SDK1: variants seen among roughly 807,000 people sequenced by gnomAD.
SDK1 encodes the protein sidekick cell adhesion molecule 1.
A neutral mutation model predicts 245.5 loss-of-function variants in SDK1; 157 were observed. The observed-to-expected ratio is 0.64, with a 90% CI of 0.56 to 0.73. SDK1 has a LOEUF of 0.73. Ranked by LOEUF, SDK1 falls within the 30% of genes least tolerant of loss-of-function variation. The pLI is 0.00. For missense variants in SDK1, 3,583 were observed against 3,002.3 expected (o/e 1.19, Z -4.52); for synonymous variants, 1,647 against 1,278.5 (o/e 1.29, Z -6.15).
intron 1 of SDK1, among the ~76,000 whole-genome samples, chr7:3,574,958 G>A (rs1312131031): frequency 1.3e-5 from 2 of 152,000 alleles, no homozygotes; most frequent in Non-Finnish European, 2.9e-5. Context: ...TGTGAAGTAC[G>A]GGTAGTCATG....
chr7:4,226,612 T>G (rs994953603), intron 40 of SDK1, among the ~76,000 whole-genome samples: 2 of 152,176 alleles, frequency 1.3e-5, no homozygotes, highest in Non-Finnish European at 2.9e-5. Flanking sequence ...GCTCCATGAG[T>G]GTGAGCCCAA....
In SDK1 at chr7:3,817,571, G is replaced by A. The variant is rs1374755132; in HGVS notation, c.714-3879G>A. ...ATAAATCCTGTGCTTCCAGGATTCC[G>A]ACGTCAGTATCACATCCCTGAAGGC... On this transcript the variant is annotated intron_variant, in intron 4 of 44. Coordinates refer to ENST00000404826, the MANE Select transcript of SDK1 (RefSeq NM_152744.4). Among the ~76,000 whole-genome samples the A allele has an allele frequency of 6.6e-5, 10 of 152,134 alleles. 1 individual carries two copies. The highest frequency in any genetic ancestry group is 4.1e-4 in the South Asian group (2 of 4,824).
At chr7:4,164,057 G>C (rs985427935) in intron 32 of SDK1, among the ~76,000 whole-genome samples, 3 of 152,300 alleles carry the variant, frequency 2.0e-5, no homozygotes, top group African/African-American at 7.2e-5. Context: ...TCTCTGGGTA[G>C]GATAGGAACC....
Position 4,012,140 on chromosome 7 carries a change from A to T in SDK1, c.2325A>T (p.Ile775=). 6.3e-7 allele frequency: 1 copy of T among 1,577,594 alleles called. No individual in the cohort carries two copies. The highest frequency in any genetic ancestry group is 8.6e-7 in the Non-Finnish European group (1 of 1,162,380). The change falls in exon 16 of 45, where the codon ATA becomes ATT. Residue 775 remains isoleucine, a synonymous_variant. Coordinates refer to ENST00000404826, the MANE Select transcript of SDK1 (RefSeq NM_152744.4). The part of the protein sequence containing the change: ...EEPPSAPPKN[I]VASGRTNQSI... ...CACCCAGTGCTCCCCCGAAAAATAT[A>T]GTGGCCAGTGGGCGGACTAATCAGT...
chr7:3,616,432 G>A (rs1781774016), intron 1 of SDK1, among the ~76,000 whole-genome samples: 1 of 152,182 alleles, frequency 6.6e-6, no homozygotes, highest in South Asian at 2.1e-4. Flanking sequence ...TGCACCTGCA[G>A]AAAGTCTTGC....
chr7:4,061,982 TG>T (rs1779572396), intron 19 of SDK1, among the ~76,000 whole-genome samples: 1 of 82,368 alleles, frequency 1.2e-5, no homozygotes, highest in Admixed American at 2.0e-4. Context: ...GGGACTGTTG[TG>T]GGGTGGGGGG....
At chr7:3,501,538 A>G (rs1197385840) in intron 1 of SDK1, among the ~76,000 whole-genome samples, 1 of 152,124 alleles carries the variant, frequency 6.6e-6, no homozygotes, top group Non-Finnish European at 1.5e-5. Context: ...TCCTGATTAT[A>G]TTGTGGAAAG....
chr7:3,505,297 A>G (rs1782358784), intron 1 of SDK1, among the ~76,000 whole-genome samples: 1 of 152,100 alleles, frequency 6.6e-6, no homozygotes, highest in Non-Finnish European at 1.5e-5. Flanking sequence ...CCCAGTTTAG[A>G]GTGCAGTTGC....
At chr7:3,728,608 G>A (rs192329186) in intron 4 of SDK1, among the ~76,000 whole-genome samples, 9 of 152,314 alleles carry the variant, frequency 5.9e-5, no homozygotes, top group Admixed American at 3.9e-4. Context: ...AAATTCCAGT[G>A]GCTGTTTCTT....
Position 3,875,900 on chromosome 7 carries a change from C to G in SDK1, c.847+54317C>G, listed in dbSNP as rs75487763. Among the ~76,000 whole-genome samples, 59 of 152,248 alleles carry G rather than the reference C, an allele frequency of 3.9e-4. 1 individual carries two copies. In the East Asian group the frequency reaches 9.5e-3, roughly 24 times the overall value. Reference sequence around the variant, plus strand: ...AGGTCCTGGTGTCCCCTCCTTAACTCCTACCATCAGGGGCTACACTTCCAG... The same window carrying G: ...AGGTCCTGGTGTCCCCTCCTTAACTGCTACCATCAGGGGCTACACTTCCAG... On this transcript the variant is annotated intron_variant, in intron 5 of 44. Transcript: ENST00000404826.
At chr7:3,376,256 A>G (rs769424005) in intron 1 of SDK1, among the ~76,000 whole-genome samples, 5 of 152,170 alleles carry the variant, frequency 3.3e-5, no homozygotes, top group African/African-American at 4.8e-5. Flanking sequence ...TGGAACCGTT[A>G]ATTTATTATA....
intron 1 of SDK1, among the ~76,000 whole-genome samples, chr7:3,607,842 G>A (rs375302069): frequency 1.8e-4 from 28 of 152,326 alleles, no homozygotes; most frequent in African/African-American, 5.3e-4. Context: ...AGGTGCTGGC[G>A]TAAGCATTCT....
At chr7:4,183,656 A>AG (rs1198493458) in intron 35 of SDK1, among the ~76,000 whole-genome samples, 5 of 151,974 alleles carry the variant, frequency 3.3e-5, no homozygotes, top group African/African-American at 4.8e-5. Flanking sequence ...AAAAAAAAAA[A>AG]AAAGAAAGTA....
At chr7:3,794,192 A>G (rs912717505) in intron 4 of SDK1, among the ~76,000 whole-genome samples, 2 of 152,204 alleles carry the variant, frequency 1.3e-5, no homozygotes, top group African/African-American at 2.4e-5. Flanking sequence ...GAATGTGGAC[A>G]TACCCAGCTG....
At chr7:4,079,635 G>C (rs1780930956) in intron 22 of SDK1, 51 bp downstream of exon 22, 1 of 1,606,708 alleles carries the variant, frequency 6.2e-7, no homozygotes, top group South Asian at 1.1e-5. Flanking sequence ...GCAGTGTTGG[G>C]GCCTGTGAAT....
intron 22 of SDK1, among the ~76,000 whole-genome samples, chr7:4,098,210 C>T (rs563536944): frequency 6.6e-6 from 1 of 152,240 alleles, no homozygotes; most frequent in East Asian, 1.9e-4. Context: ...TTTAAAACTA[C>T]CACAGGAGAG....
At chr7:3,491,221 T>C (rs1300154861) in intron 1 of SDK1, among the ~76,000 whole-genome samples, 1 of 152,236 alleles carries the variant, frequency 6.6e-6, no homozygotes, top group Non-Finnish European at 1.5e-5. Flanking sequence ...GTGTCTAGAA[T>C]TGCTGAGGAG....
intron 4 of SDK1, among the ~76,000 whole-genome samples, chr7:3,736,173 G>T (rs1287758747): frequency 1.3e-5 from 2 of 151,986 alleles, no homozygotes; most frequent in African/African-American, 4.8e-5. Flanking sequence ...TCCTTTGATG[G>T]CACAGAATTT....
At chr7:4,003,535 C>T (rs1170525882) in intron 14 of SDK1, among the ~76,000 whole-genome samples, 1 of 152,190 alleles carries the variant, frequency 6.6e-6, no homozygotes, top group Non-Finnish European at 1.5e-5. Flanking sequence ...TAGAACGTCA[C>T]TCAATCGGGA....
Sources: gnomAD v4.1 joint callset for allele counts (sites outside exome capture counted in the v4.1 genomes callset) on GRCh38, gnomAD v4.1.1 for gene constraint, MANE v1.5 for transcripts, NCBI Gene and HGNC (gene_info 2026-07-23, HGNC 2026-07-21) for gene names.